The following MEI4 variants were observed in gnomAD, a reference collection of about 807,000 sequenced individuals.
MEI4 encodes the protein meiotic double-stranded break formation protein 4, also known as meiosis-specific protein MEI4.
A neutral mutation model predicts 31.4 loss-of-function variants in MEI4; 27 were observed. The ratio of observed to expected loss-of-function variants is 0.86; its 90% CI spans 0.63 to 1.19. MEI4 has a LOEUF of 1.19. MEI4 is among the 50% of genes most tolerant of loss of function. MEI4 has a pLI of 0.00. For synonymous variants in MEI4, 122 were observed against 145.4 expected (o/e 0.84, Z 1.16); for missense variants, 329 against 398.9 (o/e 0.82, Z 1.49).
At chr6:77,799,182 A>G (rs1465014075) in intron 3 of MEI4, among the ~76,000 whole-genome samples, 2 of 152,016 alleles carry the variant, frequency 1.3e-5, no homozygotes, top group African/African-American at 2.4e-5. Context: ...AATGATTGCC[A>G]TTCTAACTGG....
intron 4 of MEI4, among the ~76,000 whole-genome samples, chr6:77,873,315 C>G (rs977548138): frequency 1.3e-5 from 2 of 152,096 alleles, no homozygotes; most frequent in African/African-American, 4.8e-5. Flanking sequence ...TGAGATGGTA[C>G]CTCATTGTGG....
At chr6:77,843,704 T>C (rs947741215) in intron 4 of MEI4, among the ~76,000 whole-genome samples, 1 of 152,080 alleles carries the variant, frequency 6.6e-6, no homozygotes, top group Non-Finnish European at 1.5e-5. Flanking sequence ...TACTTTCTAA[T>C]TTCAGAAGAC....
chr6:77,864,990 A>T (rs1031144145), intron 4 of MEI4, among the ~76,000 whole-genome samples: 1 of 152,250 alleles, frequency 6.6e-6, no homozygotes, highest in Non-Finnish European at 1.5e-5. Flanking sequence ...TACTGGGTAC[A>T]TAATGAAATG....
chr6:77,900,985 A>G (rs1171188279), intron 4 of MEI4, among the ~76,000 whole-genome samples: 1 of 151,918 alleles, frequency 6.6e-6, no homozygotes, highest in Non-Finnish European at 1.5e-5. Flanking sequence ...GTGCCTGGAT[A>G]ATTTAACTTA....
chr6:77,659,118 C>T (rs569874457), intron 1 of MEI4, among the ~76,000 whole-genome samples: 3 of 152,144 alleles, frequency 2.0e-5, no homozygotes, highest in South Asian at 2.1e-4. Context: ...TACGGAAGGT[C>T]GTGACAGAGG....
At chr6:77,868,135 G>C (rs570736489) in intron 4 of MEI4, among the ~76,000 whole-genome samples, 1 of 151,522 alleles carries the variant, frequency 6.6e-6, no homozygotes, top group African/African-American at 2.4e-5. Flanking sequence ...GAATTAATGG[G>C]TGCAGCACAC....
chr6:77,702,887 C>T (rs542796271), intron 2 of MEI4, among the ~76,000 whole-genome samples: 2 of 152,324 alleles, frequency 1.3e-5, no homozygotes, highest in East Asian at 3.9e-4. Context: ...TGTTCTCCCC[C>T]TCCTTTTGGT....
At chr6:77,906,480 AAC>A (rs1766299027) in intron 4 of MEI4, among the ~76,000 whole-genome samples, 1 of 152,180 alleles carries the variant, frequency 6.6e-6, no homozygotes, top group Non-Finnish European at 1.5e-5. Flanking sequence ...CTTAGCAGCA[AAC>A]ACTGTGGATA....
intron 3 of MEI4, among the ~76,000 whole-genome samples, chr6:77,812,756 T>C (rs572906181): frequency 1.3e-5 from 2 of 152,228 alleles, no homozygotes; most frequent in South Asian, 4.1e-4. Context: ...CTATTCATTA[T>C]GTGAGCAGGT....
intron 3 of MEI4, among the ~76,000 whole-genome samples, chr6:77,786,883 A>T (rs1223845166): frequency 2.6e-5 from 4 of 152,240 alleles, no homozygotes; most frequent in Non-Finnish European, 4.4e-5. Context: ...GAAGTAAAAT[A>T]ATTAAATGGA....
chr6:77,680,959 G>T (rs1434992917), intron 1 of MEI4, among the ~76,000 whole-genome samples: 2 of 152,124 alleles, frequency 1.3e-5, no homozygotes, highest in African/African-American at 4.8e-5. Context: ...ATACTCAGAA[G>T]GCTTTACATA....
chr6:77,735,642 T>G (rs1767172647), intron 2 of MEI4, among the ~76,000 whole-genome samples: 1 of 152,130 alleles, frequency 6.6e-6, no homozygotes, highest in South Asian at 2.1e-4. Flanking sequence ...CTTGTCAAAG[T>G]CATTCTCTGT....
At chr6:77,910,209 G>A (rs1459155190) in intron 4 of MEI4, among the ~76,000 whole-genome samples, 1 of 152,102 alleles carries the variant, frequency 6.6e-6, no homozygotes, top group Non-Finnish European at 1.5e-5. Flanking sequence ...TCTGGCCAGG[G>A]CAATCAGGCA....
chr6:77,837,872 T>A (rs1341348989), intron 4 of MEI4, among the ~76,000 whole-genome samples: 2 of 152,192 alleles, frequency 1.3e-5, no homozygotes, highest in African/African-American at 4.8e-5. Flanking sequence ...TTATTATCCT[T>A]TATAACTACA....
intron 2 of MEI4, among the ~76,000 whole-genome samples, chr6:77,693,749 T>A (rs1769203654): frequency 6.6e-6 from 1 of 152,072 alleles, no homozygotes; most frequent in African/African-American, 2.4e-5. Flanking sequence ...AGGAAGAACA[T>A]GGCAGTTATG....
At chr6:77,801,398 C>G (rs1188022667) in intron 3 of MEI4, among the ~76,000 whole-genome samples, 1 of 152,106 alleles carries the variant, frequency 6.6e-6, no homozygotes, top group Non-Finnish European at 1.5e-5. Flanking sequence ...TTTAGTCTTG[C>G]TAGCAGTCTG....
At chr6:77,665,394 G>A (rs975037480) in intron 1 of MEI4, among the ~76,000 whole-genome samples, 2 of 151,786 alleles carry the variant, frequency 1.3e-5, no homozygotes, top group African/African-American at 2.4e-5. Flanking sequence ...AGGAGAAGGG[G>A]TTGAGGGGTA....
At chr6:77,686,009 C>T (rs1769047634) in intron 1 of MEI4, among the ~76,000 whole-genome samples, 1 of 152,070 alleles carries the variant, frequency 6.6e-6, no homozygotes, top group African/African-American at 2.4e-5. Flanking sequence ...TGGGGCCTCC[C>T]TGTGGTAACC....
intron 1 of MEI4, among the ~76,000 whole-genome samples, chr6:77,689,670 A>G (rs1437564640): frequency 1.3e-5 from 2 of 152,070 alleles, no homozygotes; most frequent in African/African-American, 4.8e-5. Context: ...CTTGGGCTGT[A>G]TCTGGTTGAG....
Sources: gnomAD v4.1 joint callset for allele counts (sites outside exome capture counted in the v4.1 genomes callset) on GRCh38, gnomAD v4.1.1 for gene constraint, MANE v1.5 for transcripts, NCBI Gene and HGNC (gene_info 2026-07-23, HGNC 2026-07-21) for gene names.